The following DCHS1 variants were observed in gnomAD, a reference collection of about 807,000 sequenced individuals.
DCHS1 encodes dachsous cadherin-related 1.
DCHS1 carries 78 observed loss-of-function variants against 213.9 expected under a neutral mutation model. That is an observed-to-expected ratio of 0.36 (90% confidence interval 0.30 to 0.44). The LOEUF is 0.44. DCHS1 is among the 20% of genes least tolerant of loss of function. The probability of loss-of-function intolerance (pLI) is 1.00; values close to 1 mark genes in which losing one functional copy is unlikely to be tolerated. For missense variants in DCHS1, 3,946 were observed against 4,395.9 expected, an observed-to-expected ratio of 0.90 and a Z score of 2.89; for synonymous variants, 1,828 against 1,873.7, an observed-to-expected ratio of 0.98 and a Z score of 0.63.
At chr11:6,650,591 T>A (rs930410662) in intron 1 of DCHS1, among the ~76,000 whole-genome samples, 1 of 151,880 alleles carries the variant, frequency 6.6e-6, no homozygotes, top group African/African-American at 2.4e-5. Flanking sequence ...GAACCTAATA[T>A]GGGGAGGACT....
chr11:6,629,260 G>A (rs1194512184), intron 12 of DCHS1, among the ~76,000 whole-genome samples, 192 bp downstream of exon 12: 1 of 152,232 alleles, frequency 6.6e-6, no homozygotes, highest in Non-Finnish European at 1.5e-5. Context: ...GGTCACAGTT[G>A]TGACAGTCTA....
intron 2 of DCHS1, among the ~76,000 whole-genome samples, chr11:6,639,171 T>C (rs1050733508): frequency 6.6e-6 from 1 of 152,112 alleles, no homozygotes; most frequent in African/African-American, 2.4e-5. Flanking sequence ...AACTACTGCT[T>C]TGTGTTCAAG....
rs184258814 is a variant in DCHS1 at position 6,628,321 on chromosome 11, G to T, written c.5371+300C>A. ...ATAATCCACATAAAAACTCCTTAGGGTTCTCAAAAATTAAGAGTGTTAAGG... is the reference window on the plus strand; with the variant it reads ...ATAATCCACATAAAAACTCCTTAGGTTTCTCAAAAATTAAGAGTGTTAAGG... On this transcript the variant is annotated intron_variant, in intron 13 of 20. Transcript: ENST00000299441. The surrounding 1 kb of genome is among the most constrained non-coding windows in gnomAD (Gnocchi z 4.3). 6.6e-6 allele frequency among the ~76,000 whole-genome samples: 1 copy of T among 152,150 alleles called. No homozygotes were observed. Among genetic ancestry groups the T allele is most frequent in the African/African-American group, 2.4e-5 (1 of 41,488 alleles).
chr11:6,641,392 A>G lies in DCHS1; in HGVS notation c.222T>C (p.Ala74=), dbSNP rs984860907. Residue 74 remains alanine (A), a synonymous_variant, in exon 2 of 21, where the codon GCT becomes GCC. Transcript: ENST00000299441. This position sits in a 1 kb window ranked among gnomAD's most constrained non-coding sequence, Gnocchi z 7.1. Reference sequence around the variant, plus strand: ...GGGCAGAGATGAAGTACATGAGAGGAGCTGCCGTGCCTGCCGGAAGCCCCG... The same window carrying G: ...GGGCAGAGATGAAGTACATGAGAGGGGCTGCCGTGCCTGCCGGAAGCCCCG... The part of the protein sequence containing the change: ...ISAGLPAGTA[A]PLMYFISAQE... 3 of 1,612,966 alleles carry G rather than the reference A, an allele frequency of 1.9e-6. No homozygotes were observed. The highest frequency in any genetic ancestry group is 2.5e-6 in the Non-Finnish European group (3 of 1,179,786).
At position 6,626,991 on chromosome 11, in the gene DCHS1, G is replaced by T. The variant is rs1484736358; in HGVS notation, c.6048C>A (p.Tyr2016Ter). 6.2e-7 allele frequency: 1 copy of T among 1,613,774 alleles called. No individual in the cohort carries two copies. The highest frequency in any genetic ancestry group is 1.7e-5 in the Admixed American group (1 of 60,018). Residue 2016 changes from tyrosine (Y) to a stop codon, truncating the protein, a stop_gained, in exon 14 of 21, where the codon TAC becomes TAA. Coordinates refer to ENST00000299441, the MANE Select transcript of DCHS1 (RefSeq NM_003737.4). LOFTEE classifies it high-confidence loss of function. This position sits in a 1 kb window ranked among gnomAD's most constrained non-coding sequence, Gnocchi z 5.2. ...AGCGGGCCACGCGGATTTCACCAGT[G>T]TAAGAGTCCACAGTAGTGCCAGGAG... is the stretch of plus-strand genomic sequence containing the variant. Reference protein sequence around the residue: ...TPPPGTTVDSYTGEIRVARSP... With the variant: ...TPPPGTTVDS
chr11:6,639,980 T>C lies in DCHS1; in HGVS notation c.1634A>G (p.Gln545Arg), dbSNP rs746178274. 1.2e-5 allele frequency: 20 copies of C among 1,613,890 alleles called. No homozygotes were observed. Among genetic ancestry groups the C allele is most frequent in the Non-Finnish European group, 1.6e-5 (19 of 1,179,878 alleles). ...ACCATCTGTGGCCACCACAATCAGC[T>C]GTGGCTGAGGTTCCAACTCATAGTC... ...SLDYELEPQP[Q>R]LIVVATDGGL... Residue 545 changes from glutamine to arginine, a missense_variant, in exon 2 of 21, where the codon CAG becomes CGG. Gln to Arg is a conservative substitution (Grantham distance 43). This residue lies in a region of DCHS1 where 3,384 missense variants were observed against 3,780.1 expected (regional missense o/e 0.90). Transcript: ENST00000299441.
Position 6,627,470 on chromosome 11 carries a change from C to T in DCHS1, c.5569G>A (p.Val1857Met). The change falls in exon 14 of 21, where the codon GTG becomes ATG. Residue 1857 changes from valine (V) to methionine (M), a missense_variant. Transcript: ENST00000299441. The surrounding 1 kb of genome is among the most constrained non-coding windows in gnomAD (Gnocchi z 5.4). ...GGCACCTCCACCGAGTAGGCAGGCA[C>T]AGGAAAGGCTGGAGCATGGTCATTG... ...DANDHAPAFP[V>M]PAYSVEVPED... 6 of 1,611,580 alleles carry T rather than the reference C, an allele frequency of 3.7e-6. No homozygotes were observed. The highest frequency in any genetic ancestry group is 5.1e-6 in the Non-Finnish European group (6 of 1,178,964).
At position 6,628,909 on chromosome 11, in the gene DCHS1, G is replaced by T; in HGVS notation, c.5162-79C>A. On this transcript the variant is annotated intron_variant, in intron 12 of 20. Coordinates refer to ENST00000299441, the MANE Select transcript of DCHS1 (RefSeq NM_003737.4). The surrounding 1 kb of genome is among the most constrained non-coding windows in gnomAD (Gnocchi z 4.3). ...TCCACACCACACAGTGTTCATACAT[G>T]TTCACTAGGTGCACACAAACCAGAA... 1 of 1,448,222 alleles carries T rather than the reference G, an allele frequency of 6.9e-7. No individual in the cohort carries two copies. Among genetic ancestry groups the T allele is most frequent in the Non-Finnish European group, 9.5e-7 (1 of 1,052,750 alleles). The allele number at this position is 1,448,222 out of a possible 1,614,324, so 89.7% of individuals were successfully genotyped here.
intron 1 of DCHS1, among the ~76,000 whole-genome samples, chr11:6,652,105 G>T (rs138617978): frequency 6.6e-6 from 1 of 152,204 alleles, no homozygotes; most frequent in Non-Finnish European, 1.5e-5. Context: ...CCTCAAAGCA[G>T]ACTGAGAGAA....
In DCHS1 at chr11:6,621,733, G is replaced by A. The variant is rs1022148311; in HGVS notation, c.*46C>T. 1.3e-6 allele frequency: 2 copies of A among 1,539,570 alleles called. No individual in the cohort carries two copies. Among genetic ancestry groups the A allele is most frequent in the Non-Finnish European group, 1.7e-6 (2 of 1,142,900 alleles). On this transcript the variant is annotated 3_prime_UTR_variant, in exon 21 of 21. Transcript: ENST00000299441. ...GCAGGCTCAGAGTGGGGCCTGCGTT[G>A]GGGACACTGTGCGCATCCCAGGTCG... is the stretch of plus-strand genomic sequence containing the variant.
Position 6,625,772 on chromosome 11 carries a change from G to A in DCHS1, c.6732-45C>T, listed in dbSNP as rs1469754894. The A allele has an allele frequency of 1.3e-6, 2 of 1,590,978 alleles. No individual in the cohort carries two copies. The highest frequency in any genetic ancestry group is 1.7e-6 in the Non-Finnish European group (2 of 1,168,004). ...ATCGGGTGGGACATGGCAATAAGGG[G>A]GAACTCTGGGCAGGGCCAGGAGGAC... On this transcript the variant is annotated intron_variant, in intron 17 of 20. Transcript: ENST00000299441. The surrounding 1 kb of genome is among the most constrained non-coding windows in gnomAD (Gnocchi z 5.3).
chr11:6,655,221 A>G (rs921225113), intron 1 of DCHS1, among the ~76,000 whole-genome samples: 13 of 152,042 alleles, frequency 8.6e-5, no homozygotes, highest in African/African-American at 3.1e-4. Context: ...GCACATGCAC[A>G]CACAGCCAGA....
chr11:6,628,506 G>T lies in DCHS1; in HGVS notation c.5371+115C>A. 1 of 1,150,658 alleles carries T rather than the reference G, an allele frequency of 8.7e-7. No individual in the cohort carries two copies. Among genetic ancestry groups the T allele is most frequent in the Non-Finnish European group, 1.3e-6 (1 of 784,006 alleles). The allele number at this position is 1,150,658 out of a possible 1,614,324, so 71.3% of individuals were successfully genotyped here. The stretch of plus-strand genomic sequence containing the variant: ...TATAAGCATGAAAGAAAAGGTGGAC[G>T]ACATCAAGAGGGAAAAGGAGACCCA... On this transcript the variant is annotated intron_variant, in intron 13 of 20. Coordinates refer to ENST00000299441, the MANE Select transcript of DCHS1 (RefSeq NM_003737.4). The surrounding 1 kb of genome is among the most constrained non-coding windows in gnomAD (Gnocchi z 4.3).
In DCHS1 at chr11:6,627,137, G is replaced by A. The variant is rs776940800; in HGVS notation, c.5902C>T (p.Arg1968Cys). 1.3e-5 allele frequency: 21 copies of A among 1,612,512 alleles called. No homozygotes were observed. Among genetic ancestry groups the A allele is most frequent in the African/African-American group, 2.7e-5 (2 of 74,926 alleles). ...AAGCTGGGGCCTGGGCGGGGCAGAC[G>A]TAGGCGCAGAGGACTGGTGGGGAAG... ...PTFPTSPLRL[R>C]LPRPGPSFST... is the part of the protein sequence containing the mutation. The change falls in exon 14 of 21, where the codon CGT becomes TGT. Residue 1968 changes from arginine (R) to cysteine (C), a missense_variant. By Grantham distance (180) the Arg-to-Cys change is radical. Transcript: ENST00000299441. The surrounding 1 kb of genome is among the most constrained non-coding windows in gnomAD (Gnocchi z 5.4).
chr11:6,633,721 T>C, intron 4 of DCHS1, 68 bp downstream of exon 4: 1 of 1,599,020 alleles, frequency 6.3e-7, no homozygotes, highest in South Asian at 1.1e-5. Context: ...AGGAGGTGGG[T>C]AGGACATCAT....
rs768415121 is a variant in DCHS1 at position 6,626,822 on chromosome 11, T to C, written c.6217A>G (p.Ser2073Gly). The change falls in exon 14 of 21, where the codon AGT becomes GGT. Residue 2073 changes from serine (S) to glycine (G), a missense_variant. By Grantham distance (56) the Ser-to-Gly change is moderately conservative (BLOSUM62 0). Around this residue, in one of 3 missense-constraint regions of DCHS1, gnomAD observed 3,384 missense variants for 3,780.1 expected, o/e 0.90. Transcript: ENST00000299441. This position sits in a 1 kb window ranked among gnomAD's most constrained non-coding sequence, Gnocchi z 5.2. ...ERGPRFPRAS[S>G]EATIRENAPP... ...GCATTCTCACGAATCGTAGCCTCAC[T>C]GCTAGCCCGGGGAAAGCGGGGTCCA... 93 of 1,613,018 alleles carry C rather than the reference T, an allele frequency of 5.8e-5. No homozygotes were observed. The highest frequency in any genetic ancestry group is 7.8e-5 in the Non-Finnish European group (92 of 1,179,876).
chr11:6,631,484 G>A (rs1855906988), intron 7 of DCHS1, 77 bp from the exon 8 acceptor site: 7 of 1,601,450 alleles, frequency 4.4e-6, no homozygotes, highest in Middle Eastern at 3.3e-4. Flanking sequence ...CCTCACCTGT[G>A]GGCAGGCAGA....
chr11:6,626,140 C>T lies in DCHS1; in HGVS notation c.6576+29G>A. 6.3e-7 allele frequency: 1 copy of T among 1,595,350 alleles called. No individual in the cohort carries two copies. Among genetic ancestry groups the T allele is most frequent in the South Asian group, 1.1e-5 (1 of 88,416 alleles). On this transcript the variant is annotated intron_variant, in intron 16 of 20. Transcript: ENST00000299441. The surrounding 1 kb of genome is among the most constrained non-coding windows in gnomAD (Gnocchi z 5.2). ...GACAAGTCTGACTAGCCCTGCTCCC[C>T]CGCCCAATCTTTCCATCACACCCCG...
At chr11:6,639,154 T>A (rs1335724283) in intron 2 of DCHS1, among the ~76,000 whole-genome samples, 1 of 151,980 alleles carries the variant, frequency 6.6e-6, no homozygotes, top group African/African-American at 2.4e-5. Flanking sequence ...GCTTCCCAAG[T>A]AGTCCTAACT....
Sources: allele counts gnomAD v4.1 joint callset (sites outside exome capture counted in the v4.1 genomes callset), GRCh38; gene constraint gnomAD v4.1.1; regional missense constraint gnomAD v4.1.1; non-coding constraint Gnocchi (gnomAD v3.1); transcripts MANE v1.5; gene names NCBI Gene and HGNC (gene_info 2026-07-23, HGNC 2026-07-21).